SORL1: variants seen among roughly 807,000 people sequenced by gnomAD.
SORL1 encodes sortilin-related receptor.
Under a neutral mutation model 273.7 loss-of-function variants are expected in SORL1, and 127 were observed. The observed-to-expected ratio is 0.46, with a 90% CI of 0.40 to 0.54. The LOEUF (loss-of-function observed/expected upper bound fraction) is 0.54, where lower values mean the gene tolerates loss of function less well. Ranked by LOEUF, SORL1 falls within the 20% of genes least tolerant of loss-of-function variation. The pLI, the probability that SORL1 is intolerant of heterozygous loss-of-function variation, is 0.00. For missense variants in SORL1, 2,494 were observed against 2,846.1 expected, an observed-to-expected ratio of 0.88 and a Z score of 2.81; for synonymous variants, 1,031 against 1,067.4, an observed-to-expected ratio of 0.97 and a Z score of 0.66.
At chr11:121,622,360 G>T (rs985072733) in intron 45 of SORL1, 92 bp downstream of exon 45, 16 of 528,178 alleles carry the variant, frequency 3.0e-5, no homozygotes, top group Middle Eastern at 5.7e-4. Context: ...GGCATAGATA[G>T]TGTAAAAAAA....
chr11:121,490,990 C>T (rs1360871186), intron 5 of SORL1, among the ~76,000 whole-genome samples: 2 of 152,096 alleles, frequency 1.3e-5, no homozygotes, highest in African/African-American at 4.8e-5. Flanking sequence ...TCATAAACAG[C>T]TGTGTAGAGG....
chr11:121,566,259 CTTTT>C (rs897687199), intron 21 of SORL1, among the ~76,000 whole-genome samples: 4 of 151,466 alleles, frequency 2.6e-5, no homozygotes, highest in Non-Finnish European at 5.9e-5. Context: ...AAGCCTCTTT[CTTTT>C]TAAAAAAAAA....
intron 41 of SORL1, among the ~76,000 whole-genome samples, chr11:121,617,399 C>T (rs942334705): frequency 3.3e-5 from 5 of 152,108 alleles, no homozygotes; most frequent in African/African-American, 9.7e-5. Flanking sequence ...AAGTAAGTCA[C>T]GATATATAGG....
chr11:121,542,091 CCATT>C (rs1290814479), intron 12 of SORL1, among the ~76,000 whole-genome samples: 1 of 152,174 alleles, frequency 6.6e-6, no homozygotes, highest in African/African-American at 2.4e-5. Context: ...GTGTATCCAT[CCATT>C]ATTTTTTAGC....
chr11:121,558,830 T>A lies in SORL1; in HGVS notation c.2903T>A (p.Val968Asp). Residue 968 changes from valine to aspartate, a missense_variant, in exon 20 of 48, where the codon GTC (valine) becomes GAC (aspartate). Val to Asp is a radical substitution (Grantham distance 152). Around this residue, in one of 3 missense-constraint regions of SORL1, gnomAD observed 1,609 missense variants for 1,816.4 expected, o/e 0.89. Transcript: ENST00000260197. ...DNLPHPYAIA[V>D]FKNEIYWDDW... is the part of the protein sequence containing the mutation. ...CTCCCGCACCCCTATGCCATTGCTG[T>A]CTTTAAGGTGAGTCCATTTGTTGCT... is the stretch of plus-strand genomic sequence containing the variant. 1.2e-6 allele frequency: 2 copies of A among 1,614,122 alleles called. No individual in the cohort carries two copies. Among genetic ancestry groups the A allele is most frequent in the Non-Finnish European group, 1.7e-6 (2 of 1,179,994 alleles).
At chr11:121,579,927 A>G (rs575286730) in intron 25 of SORL1, among the ~76,000 whole-genome samples, 2 of 152,206 alleles carry the variant, frequency 1.3e-5, no homozygotes, top group South Asian at 4.2e-4. Context: ...CTTGAATTCA[A>G]ATGGGTCTGG....
intron 6 of SORL1, among the ~76,000 whole-genome samples, chr11:121,501,547 T>C (rs1376744148): frequency 6.6e-6 from 1 of 152,220 alleles, no homozygotes; most frequent in Non-Finnish European, 1.5e-5. Flanking sequence ...AGAGGTTTAA[T>C]AGACTCACAG....
intron 6 of SORL1, among the ~76,000 whole-genome samples, chr11:121,503,078 C>G (rs933257476): frequency 6.6e-6 from 1 of 152,096 alleles, no homozygotes; most frequent in East Asian, 1.9e-4. Flanking sequence ...TCATGTTGCC[C>G]AGGCTGGTCT....
At chr11:121,625,305 T>A in intron 46 of SORL1, 28 bp downstream of exon 46, 3 of 1,574,518 alleles carry the variant, frequency 1.9e-6, no homozygotes, top group Non-Finnish European at 2.6e-6. Context: ...CCCGTTTCTG[T>A]CTTCAGTTCT....
chr11:121,583,431 C>G (rs201719003), intron 25 of SORL1, 27 bp from the exon 26 acceptor site: 2 of 1,600,232 alleles, frequency 1.2e-6, no homozygotes, highest in African/African-American at 1.3e-5. Context: ...GAGGGGTGTG[C>G]GACTGTGTCT....
intron 22 of SORL1, among the ~76,000 whole-genome samples, chr11:121,568,908 C>T (rs899796042): frequency 1.5e-4 from 23 of 152,174 alleles, no homozygotes; most frequent in Admixed American, 7.9e-4. Flanking sequence ...CCTGTAGACA[C>T]GTGTGCTTGG....
At chr11:121,526,238 A>G (rs1217651200) in intron 11 of SORL1, among the ~76,000 whole-genome samples, 13 of 151,964 alleles carry the variant, frequency 8.6e-5, no homozygotes, top group Admixed American at 8.5e-4. Context: ...TTGCCTTGGT[A>G]CCTGTTTGAA....
Position 121,513,188 on chromosome 11 carries a change from G to A in SORL1, c.1041+84G>A, listed in dbSNP as rs1373165312. The stretch of plus-strand genomic sequence containing the variant: ...AGGAAGGTTGTTGCAGGGATGGCCT[G>A]CTGGAGTGGATATTTTATGGCGCCT... On this transcript the variant is annotated intron_variant, in intron 7 of 47. Transcript: ENST00000260197. 4.0e-6 allele frequency: 4 copies of A among 999,070 alleles called. No individual in the cohort carries two copies. In the African/African-American group the frequency reaches 4.7e-5, roughly 12 times the overall value. The allele number at this position is 999,070 out of a possible 1,614,324, so 61.9% of individuals were successfully genotyped here. A position where few individuals can be genotyped will look rare whatever the true frequency, so the allele number is the denominator to read the frequency against.
intron 41 of SORL1, among the ~76,000 whole-genome samples, chr11:121,615,868 G>A (rs1863631987): frequency 6.6e-6 from 1 of 152,146 alleles, no homozygotes; most frequent in Non-Finnish European, 1.5e-5. Flanking sequence ...CCTTTCATTG[G>A]TTCTGTGGGT....
At chr11:121,544,054 G>A (rs896417922) in intron 13 of SORL1, among the ~76,000 whole-genome samples, 8 of 152,200 alleles carry the variant, frequency 5.3e-5, no homozygotes, top group Non-Finnish European at 1.2e-4. Context: ...GACGTATTCA[G>A]TGAGTGTGCC....
chr11:121,471,850 C>A (rs943715336), intron 2 of SORL1, among the ~76,000 whole-genome samples: 1 of 152,214 alleles, frequency 6.6e-6, no homozygotes, highest in African/African-American at 2.4e-5. Context: ...TGGGAGACCA[C>A]CGCTACTGAT....
chr11:121,578,870 A>G (rs888501608), intron 25 of SORL1, among the ~76,000 whole-genome samples: 1 of 152,194 alleles, frequency 6.6e-6, no homozygotes, highest in Non-Finnish European at 1.5e-5. Flanking sequence ...TTCTCTCTGT[A>G]TATTAAAGCA....
intron 45 of SORL1, among the ~76,000 whole-genome samples, chr11:121,624,344 G>C (rs997150940): frequency 6.6e-6 from 1 of 152,176 alleles, no homozygotes; most frequent in Non-Finnish European, 1.5e-5. Flanking sequence ...TTTGACACTG[G>C]AATAGTTGGG....
intron 27 of SORL1, among the ~76,000 whole-genome samples, chr11:121,587,530 A>G (rs1834044760): frequency 6.6e-6 from 1 of 152,188 alleles, no homozygotes; most frequent in Admixed American, 6.5e-5. Context: ...TTACCTTTTT[A>G]AAGGCCCTAT....
Sources: gnomAD v4.1 joint callset for allele counts (sites outside exome capture counted in the v4.1 genomes callset) on GRCh38, gnomAD v4.1.1 for gene constraint, gnomAD v4.1.1 regional missense constraint, MANE v1.5 for transcripts, NCBI Gene and HGNC (gene_info 2026-07-23, HGNC 2026-07-21) for gene names.